The following SLC4A8 variants were observed in gnomAD, a reference collection of about 807,000 sequenced individuals.
SLC4A8 encodes the protein solute carrier family 4 member 8, also known as electroneutral sodium bicarbonate exchanger 1.
In SLC4A8, 40 loss-of-function variants were observed where a neutral mutation model predicts 125.0. The ratio of observed to expected loss-of-function variants is 0.32; its 90% confidence interval spans 0.25 to 0.42. SLC4A8 has a LOEUF of 0.42. Among genes scored for constraint, SLC4A8 ranks in the 10% least tolerant of loss-of-function variants. The pLI, the probability that SLC4A8 is intolerant of heterozygous loss-of-function variation, is 1.00. For missense variants in SLC4A8, 863 were observed against 1,355.1 expected, an observed-to-expected ratio of 0.64 and a Z score of 5.70; for synonymous variants, 456 against 476.0, an observed-to-expected ratio of 0.96 and a Z score of 0.55.
intron 11 of SLC4A8, among the ~76,000 whole-genome samples, chr12:51,464,386 G>A (rs1950449309): frequency 1.3e-5 from 2 of 152,196 alleles, no homozygotes; most frequent in South Asian, 4.1e-4. Flanking sequence ...AGGGTAGGAA[G>A]ATAGGTACTA....
intron 17 of SLC4A8, 69 bp downstream of exon 17, chr12:51,485,969 A>G (rs1164511572): frequency 2.2e-6 from 2 of 915,170 alleles, no homozygotes; most frequent in East Asian, 4.8e-5. Context: ...GTAAATTTCA[A>G]AGGCCTTTTC....
At chr12:51,482,827 A>G (rs1240134791) in intron 16 of SLC4A8, among the ~76,000 whole-genome samples, 6 of 152,242 alleles carry the variant, frequency 3.9e-5, no homozygotes, top group Admixed American at 1.3e-4. Context: ...CAGGAGCACT[A>G]TGTGGCACAG....
At position 51,511,075 on chromosome 12, in the gene SLC4A8, T is replaced by C. The variant is rs3926616; in HGVS notation, c.*3637T>C. On this transcript the variant is annotated 3_prime_UTR_variant, in exon 25 of 25. Coordinates refer to ENST00000453097, the MANE Select transcript of SLC4A8 (RefSeq NM_001039960.3). ...CACATGATTGCAGGATTTCCCATTG[T>C]TCATCTGTGAATGTTGATTGGCCAA... The C allele has an allele frequency of 0.93, 141,231 of 152,286 alleles. 65,556 individuals are homozygous for C. The highest frequency in any genetic ancestry group is 0.95 in the Non-Finnish European group (64,413 of 68,036). 9.4% of individuals were successfully genotyped at this position (152,286 alleles called of 1,614,324 possible).
intron 1 of SLC4A8, chr12:51,425,258 C>A: frequency 7.5e-7 from 1 of 1,333,282 alleles, no homozygotes. Context: ...TGGCCCATCT[C>A]TGCCGCATCC....
intron 2 of SLC4A8, among the ~76,000 whole-genome samples, chr12:51,448,356 GA>G (rs1949853595): frequency 6.6e-6 from 1 of 152,160 alleles, no homozygotes; most frequent in Admixed American, 6.5e-5. Context: ...TCAAGCCTAG[GA>G]AATTGAGAGA....
rs757865691 is a variant in SLC4A8 at position 51,457,537 on chromosome 12, A to G, written c.761A>G (p.His254Arg). 5.6e-6 allele frequency: 9 copies of G among 1,611,220 alleles called. No homozygotes were observed. Among genetic ancestry groups the G allele is most frequent in the Non-Finnish European group, 7.6e-6 (9 of 1,178,720 alleles). Residue 254 changes from histidine (H) to arginine (R), a missense_variant and splice_region_variant, in exon 6 of 25, where the codon CAT (histidine) becomes CGT (arginine). Around this residue, in one of 6 missense-constraint regions of SLC4A8, gnomAD observed 390 missense variants for 634.4 expected, o/e 0.61. Transcript: ENST00000453097. ...KQSDPHLMDK[H>R]GQTVSPQSVP... ...TCTGATCCTCATTTGATGGATAAAC[A>G]TGGTAAGATTATTAGGTGATTTTTC... is the stretch of plus-strand genomic sequence containing the variant.
At chr12:51,410,150 G>A (rs919393444) in intron 1 of SLC4A8, among the ~76,000 whole-genome samples, 3 of 152,180 alleles carry the variant, frequency 2.0e-5, no homozygotes, top group African/African-American at 7.2e-5. Context: ...AATTAGATAA[G>A]CAAGCACAGT....
At chr12:51,432,252 C>CA (rs943386977) in intron 1 of SLC4A8, among the ~76,000 whole-genome samples, 15 of 148,272 alleles carry the variant, frequency 1.0e-4, no homozygotes, top group South Asian at 2.1e-4. Context: ...ACTAAAAATA[C>CA]AAAAAAAAAT....
intron 11 of SLC4A8, among the ~76,000 whole-genome samples, chr12:51,469,351 G>C (rs1426823481): frequency 6.6e-6 from 1 of 151,858 alleles, no homozygotes; most frequent in Non-Finnish European, 1.5e-5. Context: ...TAATTTTTTT[G>C]AACTTTTTAT....
chr12:51,490,597 C>G (rs528245899), intron 19 of SLC4A8, among the ~76,000 whole-genome samples: 3 of 132,826 alleles, frequency 2.3e-5, no homozygotes, highest in African/African-American at 7.7e-5. Context: ...TGAGGTGGAG[C>G]CATGCCATGG....
In SLC4A8 at chr12:51,457,507, A is replaced by G; in HGVS notation, c.731A>G (p.Lys244Arg). The G allele has an allele frequency of 6.2e-7, 1 of 1,614,112 alleles. No homozygotes were observed. Residue 244 changes from lysine (K) to arginine (R), a missense_variant, in exon 6 of 25, where the codon AAG (lysine) becomes AGG (arginine). Transcript: ENST00000453097. Reference protein sequence around the residue: ...IVRSFAEVGKKQSDPHLMDKH... With the variant: ...IVRSFAEVGKRQSDPHLMDKH... Reference sequence around the variant, plus strand: ...CGCTCCTTTGCTGAGGTTGGCAAGAAGCAGTCTGATCCTCATTTGATGGAT... The same window carrying G: ...CGCTCCTTTGCTGAGGTTGGCAAGAGGCAGTCTGATCCTCATTTGATGGAT...
At chr12:51,474,777 G>A (rs909121977) in intron 15 of SLC4A8, among the ~76,000 whole-genome samples, 1 of 152,124 alleles carries the variant, frequency 6.6e-6, no homozygotes, top group African/African-American at 2.4e-5. Flanking sequence ...TCTGTGATAA[G>A]AAAAATATAA....
intron 1 of SLC4A8, among the ~76,000 whole-genome samples, chr12:51,392,582 A>AAAG (rs1948153839): frequency 6.6e-6 from 1 of 150,876 alleles, no homozygotes; most frequent in Non-Finnish European, 1.5e-5. Context: ...AAAAAAAAAA[A>AAAG]AAAAGAAAAA....
intron 11 of SLC4A8, among the ~76,000 whole-genome samples, chr12:51,465,239 A>G (rs1329249903): frequency 6.6e-6 from 1 of 152,162 alleles, no homozygotes; most frequent in African/African-American, 2.4e-5. Context: ...TCTTTTGGAT[A>G]TAAAGGGTGT....
chr12:51,469,337 G>A (rs1485876144), intron 11 of SLC4A8, among the ~76,000 whole-genome samples: 5 of 151,974 alleles, frequency 3.3e-5, no homozygotes, highest in East Asian at 1.9e-4. Context: ...ACTTGCTTTC[G>A]TGTTAATTTT....
intron 3 of SLC4A8, among the ~76,000 whole-genome samples, chr12:51,451,242 C>T (rs1350022695): frequency 1.3e-5 from 2 of 152,120 alleles, no homozygotes; most frequent in Non-Finnish European, 2.9e-5. Flanking sequence ...GCCACCACGC[C>T]GGGCTAATTT....
At chr12:51,502,726 A>C (rs1937959675) in intron 22 of SLC4A8, among the ~76,000 whole-genome samples, 1 of 152,098 alleles carries the variant, frequency 6.6e-6, no homozygotes. Context: ...TGTGGAGTGC[A>C]GTGGTGTGAT....
In SLC4A8 at chr12:51,503,969, G is replaced by A. The variant is rs909215208; in HGVS notation, c.3082-60G>A. On this transcript the variant is annotated intron_variant, in intron 22 of 24. Transcript: ENST00000453097. ...AGGTAGAAATTGTGGTAGAAGAATG[G>A]GCTGGTGAACTTATGGTCTTACTTG... The A allele has an allele frequency of 3.1e-5, 27 of 859,974 alleles. No individual in the cohort carries two copies. The African/African-American group carries it at 3.8e-4, about 12-fold the overall frequency. The allele number at this position is 859,974 out of a possible 1,614,324, so 53.3% of individuals were successfully genotyped here.
chr12:51,398,303 A>G (rs1445531259), intron 1 of SLC4A8, among the ~76,000 whole-genome samples: 1 of 152,166 alleles, frequency 6.6e-6, no homozygotes, highest in East Asian at 1.9e-4. Context: ...ACTCTTGATC[A>G]GTCTTTCTTT....
Sources: allele counts gnomAD v4.1 joint callset (sites outside exome capture counted in the v4.1 genomes callset), GRCh38; gene constraint gnomAD v4.1.1; regional missense constraint gnomAD v4.1.1; transcripts MANE v1.5; gene names NCBI Gene and HGNC (gene_info 2026-07-23, HGNC 2026-07-21).